The following CYP39A1 variants were observed in gnomAD, a reference collection of about 807,000 sequenced individuals.
The protein encoded by CYP39A1 is cytochrome P450 family 39 subfamily A member 1.
A neutral mutation model predicts 58.1 loss-of-function variants in CYP39A1; 49 were observed. That is an observed-to-expected ratio of 0.84 (90% confidence interval 0.67 to 1.07). CYP39A1 has a LOEUF of 1.07. Ranked by LOEUF, CYP39A1 falls within the 50% of genes least tolerant of loss-of-function variation. The pLI, the probability that CYP39A1 is intolerant of heterozygous loss-of-function variation, is 0.00. For missense variants in CYP39A1, 531 were observed against 539.4 expected, an observed-to-expected ratio of 0.98 and a Z score of 0.16; for synonymous variants, 209 against 187.6, an observed-to-expected ratio of 1.11 and a Z score of -0.93.
chr6:46,579,926 C>G (rs563951846), intron 10 of CYP39A1, among the ~76,000 whole-genome samples: 15 of 152,252 alleles, frequency 9.9e-5, no homozygotes, highest in African/African-American at 3.4e-4. Flanking sequence ...AACGGTCATA[C>G]TGCACAAGGA....
At chr6:46,585,538 C>T (rs1772425042) in intron 10 of CYP39A1, among the ~76,000 whole-genome samples, 2 of 152,024 alleles carry the variant, frequency 1.3e-5, no homozygotes, top group African/African-American at 4.8e-5. Flanking sequence ...GCAGGATGAG[C>T]ATGATGGGTT....
chr6:46,575,158 C>A (rs1431975754), intron 10 of CYP39A1, among the ~76,000 whole-genome samples: 5 of 152,080 alleles, frequency 3.3e-5, no homozygotes, highest in Non-Finnish European at 5.9e-5. Flanking sequence ...CCACAACTCC[C>A]ATGACATTTG....
chr6:46,619,289 A>G (rs1246802668), intron 7 of CYP39A1, among the ~76,000 whole-genome samples: 1 of 152,110 alleles, frequency 6.6e-6, no homozygotes, highest in Non-Finnish European at 1.5e-5. Flanking sequence ...AACTAGCCAT[A>G]TATTCTTACA....
At chr6:46,648,444 T>C (rs914515710) in intron 1 of CYP39A1, among the ~76,000 whole-genome samples, 4 of 141,106 alleles carry the variant, frequency 2.8e-5, no homozygotes, top group East Asian at 2.1e-4. Context: ...TTCTCACTCA[T>C]AGGCGGGAAT....
intron 7 of CYP39A1, among the ~76,000 whole-genome samples, chr6:46,605,361 T>C (rs1416920058): frequency 2.0e-5 from 3 of 152,182 alleles, no homozygotes; most frequent in Admixed American, 6.5e-5. Context: ...GCTTCAATGA[T>C]AGGTCACTGA....
intron 5 of CYP39A1, among the ~76,000 whole-genome samples, chr6:46,633,577 G>A (rs1032672961): frequency 6.6e-6 from 1 of 151,876 alleles, no homozygotes. Flanking sequence ...ACATTAGCTC[G>A]GCCAGGCACG....
At position 46,642,134 on chromosome 6, in the gene CYP39A1, C is replaced by G. The variant is rs752762762; in HGVS notation, c.313+29G>C. 5.6e-6 allele frequency: 9 copies of G among 1,609,926 alleles called. No homozygotes were observed. The East Asian group carries it at 1.8e-4, about 32-fold the overall frequency. On this transcript the variant is annotated intron_variant, in intron 2 of 11. Coordinates refer to ENST00000275016, the MANE Select transcript of CYP39A1 (RefSeq NM_016593.5). The stretch of plus-strand genomic sequence containing the variant: ...ACTCCTGGATTCCAATGTTGGATTT[C>G]GAATGGACTATCTGAAAATATTCTT...
intron 10 of CYP39A1, among the ~76,000 whole-genome samples, chr6:46,556,347 A>G (rs1770663801): frequency 6.6e-6 from 1 of 152,240 alleles, no homozygotes; most frequent in Non-Finnish European, 1.5e-5. Context: ...GGCAAGCTAA[A>G]GAGACTAAAA....
chr6:46,558,391 GAGAAAGCGAGCA>G (rs2150480665), intron 10 of CYP39A1, among the ~76,000 whole-genome samples: 1 of 152,272 alleles, frequency 6.6e-6, no homozygotes, highest in African/African-American at 2.4e-5. Context: ...TGGCCGGAGA[GAGAAAGCGAGCA>G]AAGGGGGAAG....
intron 7 of CYP39A1, among the ~76,000 whole-genome samples, chr6:46,622,246 C>G (rs1278702209): frequency 6.6e-6 from 1 of 151,994 alleles, no homozygotes; most frequent in East Asian, 1.9e-4. Context: ...TGGGACTAGA[C>G]AGTGTTGATG....
chr6:46,590,468 C>A (rs550075176), intron 8 of CYP39A1, among the ~76,000 whole-genome samples: 1 of 152,116 alleles, frequency 6.6e-6, no homozygotes, highest in Non-Finnish European at 1.5e-5. Flanking sequence ...GGCAACACAT[C>A]TATAGCAGGA....
At chr6:46,607,464 T>TACAC (rs3839568) in intron 7 of CYP39A1, among the ~76,000 whole-genome samples, 7,670 of 145,534 alleles carry the variant, frequency 0.053, 396 homozygotes, top group African/African-American at 0.14. Flanking sequence ...CCCTTCCCCC[T>TACAC]ACACACACAC....
At chr6:46,636,182 G>T (rs1003196531) in intron 5 of CYP39A1, among the ~76,000 whole-genome samples, 1 of 152,106 alleles carries the variant, frequency 6.6e-6, no homozygotes, top group Non-Finnish European at 1.5e-5. Context: ...GTTGTCTCTG[G>T]TTTTTTCTTA....
At chr6:46,580,838 G>C (rs1179093394) in intron 10 of CYP39A1, among the ~76,000 whole-genome samples, 1 of 152,080 alleles carries the variant, frequency 6.6e-6, no homozygotes, top group Admixed American at 6.6e-5. Flanking sequence ...TCATTAAAAA[G>C]TCAAAAAATA....
rs1461765020 is a variant in CYP39A1, at chr6:46,613,989, T to TTTA, written c.931+11428_931+11429insTAA. Among the ~76,000 whole-genome samples the TTTA allele has an allele frequency of 2.0e-3, 297 of 148,590 alleles. 1 individual carries two copies. The highest frequency in any genetic ancestry group is 7.1e-3 in the African/African-American group (292 of 40,878). ...TAAATATGTACTCTAAATATTTAAA[T>TTTA]AAAATTATATTTTAATTAAAATAGA... On this transcript the variant is annotated intron_variant, in intron 7 of 11. Transcript: ENST00000275016.
In CYP39A1 at chr6:46,632,610, C is replaced by T. The variant is rs73471123; in HGVS notation, c.733-1540G>A. The stretch of plus-strand genomic sequence containing the variant: ...TTGTTTTTATCTGTTCCTCTCCCCC[C>T]TCCCAATCTCTACCCTCAAATAGGG... On this transcript the variant is annotated intron_variant, in intron 5 of 11. Coordinates refer to ENST00000275016, the MANE Select transcript of CYP39A1 (RefSeq NM_016593.5). Among the ~76,000 whole-genome samples the T allele has an allele frequency of 5.6e-3, 847 of 152,226 alleles. 8 individuals carry two copies. Among genetic ancestry groups the T allele is most frequent in the African/African-American group, 0.019 (801 of 41,536 alleles).
At chr6:46,601,323 GCTTC>G (rs1427010276) in intron 7 of CYP39A1, among the ~76,000 whole-genome samples, 1 of 152,116 alleles carries the variant, frequency 6.6e-6, no homozygotes, top group African/African-American at 2.4e-5. Flanking sequence ...CCTTCATCAT[GCTTC>G]CTACTCCCAC....
At chr6:46,597,767 T>C (rs1452934050) in intron 7 of CYP39A1, among the ~76,000 whole-genome samples, 2 of 152,082 alleles carry the variant, frequency 1.3e-5, no homozygotes, top group Non-Finnish European at 2.9e-5. Flanking sequence ...TTCTGGAACA[T>C]CCGGAGGCTA....
chr6:46,628,824 G>A (rs1186554281), intron 6 of CYP39A1, among the ~76,000 whole-genome samples: 2 of 152,216 alleles, frequency 1.3e-5, no homozygotes, highest in Non-Finnish European at 2.9e-5. Context: ...CCTATGTTCA[G>A]TATTAACGGG....
Sources: allele counts gnomAD v4.1 joint callset (sites outside exome capture counted in the v4.1 genomes callset), GRCh38; gene constraint gnomAD v4.1.1; transcripts MANE v1.5; gene names NCBI Gene and HGNC (gene_info 2026-07-23, HGNC 2026-07-21).